Variants in NRIP1 observed in about 807,000 individuals in gnomAD.
NRIP1 encodes nuclear receptor-interacting protein 1.
A neutral mutation model predicts 75.0 loss-of-function variants in NRIP1; 28 were observed. That is an observed-to-expected ratio of 0.37 (90% CI 0.28 to 0.51). The LOEUF is 0.51. Among genes scored for constraint, NRIP1 ranks in the 20% least tolerant of loss-of-function variants. NRIP1 has a pLI of 0.92. For synonymous variants in NRIP1, 526 were observed against 487.6 expected (o/e 1.08, Z -1.04); for missense variants, 1,435 against 1,343.7 (o/e 1.07, Z -1.06).
At chr21:14,986,382 C>T (rs994117310) in intron 3 of NRIP1, among the ~76,000 whole-genome samples, 4 of 152,182 alleles carry the variant, frequency 2.6e-5, no homozygotes, top group Admixed American at 6.5e-5. Flanking sequence ...AGACGACTCA[C>T]GTGTCATTGC....
rs527747965 is a variant in NRIP1 at position 14,966,431 on chromosome 21, A to C, written c.1762T>G (p.Ser588Ala). Reference sequence around the variant, plus strand: ...GATGCAGTATTTGTTAGCTTTTCAGACTGAGTACTGCAGACATATGGTGGG... The same window carrying C: ...GATGCAGTATTTGTTAGCTTTTCAGCCTGAGTACTGCAGACATATGGTGGG... ...NSPPYVCSTQ[S>A]EKLTNTASNH... Residue 588 changes from serine to alanine, a missense_variant, in exon 4 of 4, where the codon TCT becomes GCT. Physicochemically the swap from Ser to Ala is moderately conservative, Grantham distance 99. Transcript: ENST00000318948. 12 of 1,614,060 alleles carry C rather than the reference A, an allele frequency of 7.4e-6. No individual in the cohort carries two copies. Among genetic ancestry groups the C allele is most frequent in the Admixed American group, 3.3e-5 (2 of 60,006 alleles).
At chr21:15,023,904 T>C (rs2088441969) in intron 2 of NRIP1, among the ~76,000 whole-genome samples, 1 of 152,188 alleles carries the variant, frequency 6.6e-6, no homozygotes, top group South Asian at 2.1e-4. Flanking sequence ...TGACAAAAGT[T>C]ACACTTTAGA....
rs1243009796 is a variant in NRIP1 at position 14,964,750 on chromosome 21, C to T, written c.3443G>A (p.Gly1148Glu). 5.7e-6 allele frequency: 9 copies of T among 1,571,918 alleles called. No individual in the cohort carries two copies. In the Admixed American group the frequency reaches 1.6e-4, roughly 28 times the overall value. ...SANGEVYGLL[G>E]SVLTIKKESE ...TTCTTTCTTTATCGTTAGCACGCTT[C>T]CCAGAAGTCCATAAACTTCTCCATT... Residue 1148 changes from glycine to glutamate, a missense_variant, in exon 4 of 4, where the codon GGA becomes GAA. Gly to Glu is a moderately conservative substitution (Grantham distance 98). Transcript: ENST00000318948.
At chr21:15,014,767 T>A (rs1295683008) in intron 2 of NRIP1, among the ~76,000 whole-genome samples, 2 of 152,046 alleles carry the variant, frequency 1.3e-5, no homozygotes, top group South Asian at 2.1e-4. Context: ...CTTAGCGTGC[T>A]GTGCTAAATT....
At chr21:15,056,327 A>C (rs1204999727) in intron 1 of NRIP1, among the ~76,000 whole-genome samples, 2 of 151,966 alleles carry the variant, frequency 1.3e-5, no homozygotes, top group African/African-American at 4.8e-5. Flanking sequence ...ACTTTGACTC[A>C]GGTCAGTCAA....
chr21:15,016,418 C>A (rs930798838), intron 2 of NRIP1, among the ~76,000 whole-genome samples: 1 of 152,168 alleles, frequency 6.6e-6, no homozygotes, highest in African/African-American at 2.4e-5. Flanking sequence ...AATCCCCAGT[C>A]TCTGAAGTAA....
rs191185509 is a variant in NRIP1 at position 14,966,047 on chromosome 21, G to A, written c.2146C>T (p.Leu716Phe). The change falls in exon 4 of 4, where the codon CTC becomes TTC. Residue 716 changes from leucine to phenylalanine, a missense_variant. Transcript: ENST00000318948. ...TTCCCTTTGTTGGGGTTCCCCAGGA[G>A]CAACTGGAGGACAGTACGTCTTTCA... is the stretch of plus-strand genomic sequence containing the variant. ...LLERRTVLQLLLGNPNKGKSE... is the reference protein window; with the variant it reads ...LLERRTVLQLFLGNPNKGKSE... The A allele has an allele frequency of 1.3e-4, 214 of 1,612,566 alleles. No individual in the cohort carries two copies. Among genetic ancestry groups the A allele is most frequent in the Admixed American group, 6.0e-4 (36 of 59,828 alleles).
At chr21:15,050,567 G>A (rs149433183) in intron 1 of NRIP1, 52 of 363,462 alleles carry the variant, frequency 1.4e-4, no homozygotes, top group African/African-American at 8.5e-4. Flanking sequence ...TAATGGCATC[G>A]CACTTAACAA....
intron 3 of NRIP1, among the ~76,000 whole-genome samples, chr21:14,999,011 AAG>A (rs371600757): frequency 6.6e-6 from 1 of 151,074 alleles, no homozygotes. Context: ...CTCTCGTAGA[AAG>A]AGAGAGAGAG....
intron 1 of NRIP1, among the ~76,000 whole-genome samples, chr21:15,058,899 C>T (rs2089362625): frequency 6.6e-6 from 1 of 152,064 alleles, no homozygotes; most frequent in Admixed American, 6.6e-5. Flanking sequence ...TACATAGTAC[C>T]CTCACATAGC....
chr21:15,048,743 C>G (rs2089140718), intron 1 of NRIP1, among the ~76,000 whole-genome samples: 1 of 152,186 alleles, frequency 6.6e-6, no homozygotes, highest in Non-Finnish European at 1.5e-5. Context: ...TAGGCAATAC[C>G]TTAATTGCAT....
intron 3 of NRIP1, among the ~76,000 whole-genome samples, chr21:15,002,805 T>C (rs2087879075): frequency 6.6e-6 from 1 of 152,214 alleles, no homozygotes; most frequent in Admixed American, 6.5e-5. Context: ...CATGGATTCT[T>C]CAGATTTTAC....
intron 3 of NRIP1, among the ~76,000 whole-genome samples, chr21:15,000,047 T>A (rs1000599267): frequency 3.9e-5 from 6 of 152,138 alleles, no homozygotes; most frequent in Non-Finnish European, 7.3e-5. Flanking sequence ...TAGATCTGCA[T>A]ATGAGGGGAA....
chr21:15,033,042 G>A (rs1202902950), intron 2 of NRIP1, among the ~76,000 whole-genome samples: 1 of 151,918 alleles, frequency 6.6e-6, no homozygotes, highest in Non-Finnish European at 1.5e-5. Flanking sequence ...TGGCTAACAT[G>A]GTGAAACCCT....
chr21:14,984,601 G>C (rs1341403610), intron 3 of NRIP1, among the ~76,000 whole-genome samples: 3 of 152,198 alleles, frequency 2.0e-5, no homozygotes, highest in Admixed American at 6.5e-5. Flanking sequence ...AGTAGATAAA[G>C]CAGTAGGAGG....
intron 3 of NRIP1, among the ~76,000 whole-genome samples, chr21:14,970,468 C>T (rs1251277664): frequency 1.3e-5 from 2 of 152,286 alleles, no homozygotes; most frequent in East Asian, 3.9e-4. Context: ...ATTGCTTGAA[C>T]CTGGTAGGCA....
intron 3 of NRIP1, among the ~76,000 whole-genome samples, chr21:14,985,860 CTT>C (rs1284976847): frequency 1.1e-4 from 17 of 152,246 alleles, no homozygotes; most frequent in Admixed American, 5.9e-4. Context: ...TAAAATACTA[CTT>C]TGTTACATTT....
At chr21:15,025,481 C>G (rs948165998) in intron 2 of NRIP1, among the ~76,000 whole-genome samples, 1 of 151,946 alleles carries the variant, frequency 6.6e-6, no homozygotes, top group Non-Finnish European at 1.5e-5. Context: ...AAAATACGGG[C>G]TCATAAGCAC....
chr21:14,982,339 CAGT>C (rs1256819399), intron 3 of NRIP1, among the ~76,000 whole-genome samples: 4 of 152,146 alleles, frequency 2.6e-5, no homozygotes, highest in Non-Finnish European at 5.9e-5. Flanking sequence ...AGAAACAGGG[CAGT>C]AAGAAGAATA....
Sources: gnomAD v4.1 joint callset for allele counts (sites outside exome capture counted in the v4.1 genomes callset) on GRCh38, gnomAD v4.1.1 for gene constraint, MANE v1.5 for transcripts, NCBI Gene and HGNC (gene_info 2026-07-23, HGNC 2026-07-21) for gene names.